The following BLNK variants were observed in gnomAD, a reference collection of about 807,000 sequenced individuals.
BLNK encodes B-cell linker protein.
A neutral mutation model predicts 73.5 loss-of-function variants in BLNK; 29 were observed. The observed-to-expected ratio is 0.39, with a 90% CI of 0.29 to 0.54. BLNK has a LOEUF of 0.54. BLNK is among the 20% of genes least tolerant of loss of function. BLNK has a pLI of 0.61. For synonymous variants in BLNK, 176 were observed against 200.8 expected, an observed-to-expected ratio of 0.88 and a Z score of 1.04; for missense variants, 460 against 562.8, an observed-to-expected ratio of 0.82 and a Z score of 1.85.
At chr10:96,269,396 C>G (rs1844166830) in intron 1 of BLNK, among the ~76,000 whole-genome samples, 1 of 150,012 alleles carries the variant, frequency 6.7e-6, no homozygotes, top group African/African-American at 2.5e-5. Context: ...CTGTATAGTT[C>G]TACATTATGG....
At chr10:96,218,634 C>G (rs1457617081) in intron 6 of BLNK, among the ~76,000 whole-genome samples, 1 of 148,720 alleles carries the variant, frequency 6.7e-6, no homozygotes, top group African/African-American at 2.5e-5. Flanking sequence ...GCTGAGGCTG[C>G]AGTGAGTTGT....
intron 2 of BLNK, among the ~76,000 whole-genome samples, chr10:96,245,459 A>G (rs1328392474): frequency 3.3e-5 from 5 of 152,342 alleles, no homozygotes; most frequent in South Asian, 2.1e-4. Flanking sequence ...TATTCATGAC[A>G]TTTAAATTGG....
chr10:96,271,248 A>T lies in BLNK; in HGVS notation c.47+104T>A, dbSNP rs74322754. 4,134 of 1,375,838 alleles carry T rather than the reference A, an allele frequency of 3.0e-3. 103 individuals are homozygous for T. The African/African-American group carries it at 0.05, about 17-fold the overall frequency. The allele number at this position is 1,375,838 out of a possible 1,614,324, so 85.2% of individuals were successfully genotyped here. A position where few individuals can be genotyped will look rare whatever the true frequency, so the allele number is the denominator to read the frequency against. On this transcript the variant is annotated intron_variant, in intron 1 of 16. Coordinates refer to ENST00000224337, the MANE Select transcript of BLNK (RefSeq NM_013314.4). Reference sequence around the variant, plus strand: ...CCCTATAGTAAGTGCCACCCACTGGAAACTAGCAAAGCATTCCAGGATTTC... The same window carrying T: ...CCCTATAGTAAGTGCCACCCACTGGTAACTAGCAAAGCATTCCAGGATTTC...
chr10:96,209,787 C>T (rs1554898278), intron 9 of BLNK, 51 bp downstream of exon 9: 1 of 1,602,232 alleles, frequency 6.2e-7, no homozygotes, highest in Non-Finnish European at 8.6e-7. Context: ...TGGGGTATCA[C>T]CATCCTCACT....
At chr10:96,206,379 C>T (rs1312623437) in intron 11 of BLNK, among the ~76,000 whole-genome samples, 1 of 151,284 alleles carries the variant, frequency 6.6e-6, no homozygotes, top group East Asian at 1.9e-4. Context: ...TTAACATGAG[C>T]AGTTTCTAAA....
chr10:96,247,357 G>A lies in BLNK; in HGVS notation c.48-308C>T, dbSNP rs138141230. On this transcript the variant is annotated intron_variant, in intron 1 of 16. Transcript: ENST00000224337. ...CATTGTCTTAGAGCATCTACGTTAC[G>A]AAGATAGATGCTACTCTGTGGACAT... 7.4e-4 allele frequency among the ~76,000 whole-genome samples: 112 copies of A among 152,280 alleles called. 1 individual carries two copies. In the East Asian group the frequency reaches 0.019, roughly 25 times the overall value.
rs1358425408 is a variant in BLNK, at chr10:96,246,919, T to G, written c.113+65A>C. Reference sequence around the variant, plus strand: ...CATCCAGGTAACAGAGAAATTTGTTTTCTTCCATGTAGCACATGTTGACTT... The same window carrying G: ...CATCCAGGTAACAGAGAAATTTGTTGTCTTCCATGTAGCACATGTTGACTT... On this transcript the variant is annotated intron_variant, in intron 2 of 16. Coordinates refer to ENST00000224337, the MANE Select transcript of BLNK (RefSeq NM_013314.4). 1.3e-5 allele frequency: 16 copies of G among 1,254,118 alleles called. 1 individual carries two copies. In the African/African-American group the frequency reaches 1.4e-4, roughly 11 times the overall value. The allele number at this position is 1,254,118 out of a possible 1,614,324, so 77.7% of individuals were successfully genotyped here. A position where few individuals can be genotyped will look rare whatever the true frequency, so the allele number is the denominator to read the frequency against.
rs370090701 is a variant in BLNK, at chr10:96,227,535, G to A, written c.236C>T (p.Ser79Leu). ...DSDYENPDEH[S>L]DSEMYVMPAE... ...GGGCATCACGTACATCTCTGAGTCCGAGTGCTCATCTGGATTTTCATAGTC... is the reference window on the plus strand; with the variant it reads ...GGGCATCACGTACATCTCTGAGTCCAAGTGCTCATCTGGATTTTCATAGTC... Residue 79 changes from serine to leucine, a missense_variant, in exon 5 of 17, where the codon TCG becomes TTG. Ser to Leu is a moderately radical substitution (Grantham distance 145). Coordinates refer to ENST00000224337, the MANE Select transcript of BLNK (RefSeq NM_013314.4). 48 of 1,614,020 alleles carry A rather than the reference G, an allele frequency of 3.0e-5. No individual in the cohort carries two copies. The highest frequency in any genetic ancestry group is 3.7e-5 in the Non-Finnish European group (44 of 1,180,050).
chr10:96,262,505 G>T (rs1554913191), intron 1 of BLNK, among the ~76,000 whole-genome samples: 1 of 152,206 alleles, frequency 6.6e-6, no homozygotes, highest in Admixed American at 6.5e-5. Flanking sequence ...AAGACCACAA[G>T]CTGGTAAGTG....
At position 96,211,216 on chromosome 10, in the gene BLNK, G is replaced by A. The variant is rs587711940; in HGVS notation, c.677-1309C>T. Among the ~76,000 whole-genome samples, 7 of 152,274 alleles carry A rather than the reference G, an allele frequency of 4.6e-5. No homozygotes were observed. The South Asian group carries it at 1.5e-3, about 32-fold the overall frequency. ...TACTCTGTAAGTACAGGCTGGACCTGCTGCCCTCAGTCTGTACTTTCTTAG... is the reference window on the plus strand; with the variant it reads ...TACTCTGTAAGTACAGGCTGGACCTACTGCCCTCAGTCTGTACTTTCTTAG... On this transcript the variant is annotated intron_variant, in intron 8 of 16. Transcript: ENST00000224337.
rs2083305877 is a variant in BLNK, at chr10:96,190,141, T to C, written c.*1832A>G. 2 of 976,476 alleles carry C rather than the reference T, an allele frequency of 2.0e-6. No homozygotes were observed. Among genetic ancestry groups the C allele is most frequent in the East Asian group, 4.8e-5 (2 of 41,806 alleles). The allele number at this position is 976,476 out of a possible 1,614,324, so 60.5% of individuals were successfully genotyped here. ...ATTATCCACCTTAAAGTGATCATCT[T>C]TGTCGGCCTTTAGTTCACAACTGAA... On this transcript the variant is annotated 3_prime_UTR_variant, in exon 17 of 17. Coordinates refer to ENST00000224337, the MANE Select transcript of BLNK (RefSeq NM_013314.4).
rs147203646 is a variant in BLNK at position 96,242,766 on chromosome 10, A to T, written c.132T>A (p.Pro44=). Residue 44 remains proline (P), a synonymous_variant, in exon 3 of 17, where the codon CCT becomes CCA. Transcript: ENST00000224337. ...CGTAGTCCCTTCGAGGAACACTTGG[A>T]GGTGCTTTGACTTTTAGCCTGGAAA... The part of the protein sequence containing the change: ...NKIKKLKVKA[P]PSVPRRDYAS... The T allele has an allele frequency of 9.2e-4, 1,482 of 1,614,112 alleles. 10 individuals are homozygous for T. In the East Asian group the frequency reaches 0.018, roughly 20 times the overall value.
chr10:96,246,413 A>T (rs1554907586), intron 2 of BLNK, among the ~76,000 whole-genome samples: 4 of 152,166 alleles, frequency 2.6e-5, no homozygotes, highest in Non-Finnish European at 5.9e-5. Flanking sequence ...TTAGCCAGGT[A>T]TGCTGGCACG....
At chr10:96,257,185 C>T (rs1481563463) in intron 1 of BLNK, among the ~76,000 whole-genome samples, 12 of 152,172 alleles carry the variant, frequency 7.9e-5, no homozygotes, top group African/African-American at 2.9e-4. Flanking sequence ...GTTTACAAGA[C>T]AAGGATGAGA....
chr10:96,244,160 C>A (rs1443852279), intron 2 of BLNK, among the ~76,000 whole-genome samples: 3 of 152,146 alleles, frequency 2.0e-5, no homozygotes, highest in Non-Finnish European at 4.4e-5. Context: ...ATTCTCCTCA[C>A]AAGCCAGCAG....
intron 3 of BLNK, chr10:96,239,082 G>T: frequency 2.5e-6 from 1 of 398,516 alleles, no homozygotes; most frequent in Non-Finnish European, 4.4e-6. Flanking sequence ...GATCCTGTTG[G>T]GCCACACTTC....
intron 1 of BLNK, among the ~76,000 whole-genome samples, chr10:96,267,969 C>CTGTTATTA (rs1844088411): frequency 6.6e-6 from 1 of 152,140 alleles, no homozygotes; most frequent in Non-Finnish European, 1.5e-5. Context: ...AACATTGGTA[C>CTGTTATTA]TGTTATTATT....
chr10:96,225,295 G>A (rs587601330), intron 5 of BLNK, among the ~76,000 whole-genome samples: 45 of 152,304 alleles, frequency 3.0e-4, no homozygotes, highest in African/African-American at 1.1e-3. Context: ...TTGCATCACT[G>A]GCCTCTTGCT....
At chr10:96,227,668 A>G in intron 4 of BLNK, 102 bp from the exon 5 acceptor site, 1 of 1,574,176 alleles carries the variant, frequency 6.4e-7, no homozygotes. Context: ...GACAGGAGAC[A>G]AGGCTTGGAG....
Sources: allele counts gnomAD v4.1 joint callset (sites outside exome capture counted in the v4.1 genomes callset), GRCh38; gene constraint gnomAD v4.1.1; transcripts MANE v1.5; gene names NCBI Gene and HGNC (gene_info 2026-07-23, HGNC 2026-07-21).